The following SGCE variants were observed in gnomAD, a reference collection of about 807,000 sequenced individuals.
The protein encoded by SGCE is sarcoglycan epsilon.
SGCE carries 26 observed loss-of-function variants against 57.8 expected under a neutral mutation model. The observed-to-expected ratio is 0.45, with a 90% CI of 0.33 to 0.62. The LOEUF (loss-of-function observed/expected upper bound fraction) is 0.62. SGCE is among the 20% of genes least tolerant of loss of function. SGCE has a pLI of 0.02. For missense variants in SGCE, 468 were observed against 548.6 expected, an observed-to-expected ratio of 0.85 and a Z score of 1.47; for synonymous variants, 183 against 189.5, an observed-to-expected ratio of 0.97 and a Z score of 0.28.
intron 1 of SGCE, among the ~76,000 whole-genome samples, chr7:94,650,828 C>T (rs924119473): frequency 3.3e-5 from 5 of 152,220 alleles, no homozygotes; most frequent in African/African-American, 1.2e-4. Flanking sequence ...AAGCAAACAT[C>T]AGAGAGTTCA....
intron 4 of SGCE, chr7:94,621,986 C>T (rs890567823): frequency 6.6e-6 from 1 of 152,102 alleles, no homozygotes; most frequent in Non-Finnish European, 1.5e-5. Flanking sequence ...CAATTGATAC[C>T]GGTAAACACC....
At chr7:94,608,161 T>C (rs913594133) in intron 5 of SGCE, among the ~76,000 whole-genome samples, 8 of 152,114 alleles carry the variant, frequency 5.3e-5, no homozygotes, top group Admixed American at 5.2e-4. Context: ...CTGGCCAACA[T>C]GACAAAACCA....
intron 9 of SGCE, chr7:94,589,883 T>C (rs567828387): frequency 6.5e-6 from 1 of 153,424 alleles, no homozygotes; most frequent in East Asian, 1.9e-4. Flanking sequence ...GCATAATAAA[T>C]GCAATGCACT....
At chr7:94,637,717 A>T (rs13226896) in intron 1 of SGCE, among the ~76,000 whole-genome samples, 1 of 152,208 alleles carries the variant, frequency 6.6e-6, no homozygotes, top group Admixed American at 6.5e-5. Flanking sequence ...AAACAGCAAG[A>T]GGAGAGAGAG....
intron 5 of SGCE, chr7:94,617,366 A>C (rs551288726): frequency 1.3e-5 from 2 of 152,328 alleles, no homozygotes; most frequent in Admixed American, 6.5e-5. Context: ...AAGCACAACA[A>C]TGAAAAACTC....
intron 1 of SGCE, among the ~76,000 whole-genome samples, chr7:94,630,856 G>T (rs1450370924): frequency 1.3e-5 from 2 of 151,890 alleles, no homozygotes; most frequent in Non-Finnish European, 2.9e-5. Flanking sequence ...CTCACTCCAA[G>T]CTCACAACTT....
At chr7:94,620,108 A>G (rs992116732) in intron 4 of SGCE, 4 of 152,356 alleles carry the variant, frequency 2.6e-5, no homozygotes, top group African/African-American at 4.8e-5. Context: ...AAATTCATGT[A>G]TCTGTAAGAT....
intron 5 of SGCE, among the ~76,000 whole-genome samples, chr7:94,615,308 G>C (rs535315130): frequency 1.3e-5 from 2 of 151,994 alleles, no homozygotes; most frequent in Middle Eastern, 3.4e-3. Flanking sequence ...GCTGTGAGTC[G>C]AGATCCCACC....
At chr7:94,614,106 T>TAAAAAAAAAAAAAAAAAAAAAAAAAAA (rs1562832897) in intron 5 of SGCE, among the ~76,000 whole-genome samples, 1 of 55,172 alleles carries the variant, frequency 1.8e-5, no homozygotes, top group Non-Finnish European at 3.4e-5. Context: ...CAAATTGAAA[T>TAAAAAAAAAAAAAAAAAAAAAAAAAAA]CAAAAAAAAA....
intron 9 of SGCE, among the ~76,000 whole-genome samples, chr7:94,595,388 G>C (rs1372835142): frequency 1.3e-5 from 2 of 152,048 alleles, no homozygotes; most frequent in African/African-American, 4.8e-5. Flanking sequence ...CCATATCCAT[G>C]TCTGAATATT....
intron 9 of SGCE, 94 bp downstream of exon 9, chr7:94,598,677 TAAAC>T (rs1299081127): frequency 8.4e-5 from 75 of 894,398 alleles, no homozygotes; most frequent in Admixed American, 2.4e-4. Context: ...CTTCCAGTTA[TAAAC>T]AAACAAACAC....
At chr7:94,636,861 C>G (rs547290553) in intron 1 of SGCE, among the ~76,000 whole-genome samples, 1 of 152,070 alleles carries the variant, frequency 6.6e-6, no homozygotes, top group Non-Finnish European at 1.5e-5. Context: ...GTCAGGAGTT[C>G]AAGACCAGCC....
At position 94,588,484 on chromosome 7, in the gene SGCE, C is replaced by G. The variant is rs930626716; in HGVS notation, c.1297+205G>C. 7.2e-6 allele frequency: 10 copies of G among 1,392,242 alleles called. No individual in the cohort carries two copies. The African/African-American group carries it at 1.0e-4, about 14-fold the overall frequency. The allele number at this position is 1,392,242 out of a possible 1,614,324, so 86.2% of individuals were successfully genotyped here. ...TCCATGGATGCTTTTGCTCTAAGATCATTTACCCTGTGTTTATCATTCTGA... is the reference window on the plus strand; with the variant it reads ...TCCATGGATGCTTTTGCTCTAAGATGATTTACCCTGTGTTTATCATTCTGA... On this transcript the variant is annotated intron_variant, in intron 10 of 10. Transcript: ENST00000648936.
At chr7:94,644,680 T>C (rs1257136741) in intron 1 of SGCE, 1 of 1,273,464 alleles carries the variant, frequency 7.9e-7, no homozygotes, top group South Asian at 1.2e-5. Context: ...GTAAGGGGGA[T>C]GAAAGACTTT....
At position 94,600,744 on chromosome 7, in the gene SGCE, A is replaced by G. The variant is rs772177078; in HGVS notation, c.939T>C (p.Tyr313=). 1 of 1,613,800 alleles carries G rather than the reference A, an allele frequency of 6.2e-7. No homozygotes were observed. Among genetic ancestry groups the G allele is most frequent in the South Asian group, 1.1e-5 (1 of 91,054 alleles). ...CCAGTGTAATTAGGAAATCCGTGTA[A>G]TAGTCTCTGCTTTTCAAAGAATCAG... ...PPSDSLKSRD[Y]YTDFLITLAV... Residue 313 remains tyrosine (Y), a synonymous_variant, in exon 7 of 11, where the codon TAT becomes TAC. Coordinates refer to ENST00000648936, the MANE Select transcript of SGCE (RefSeq NM_003919.3).
At chr7:94,619,161 A>G (rs988366067) in intron 4 of SGCE, 11 of 557,538 alleles carry the variant, frequency 2.0e-5, no homozygotes, top group African/African-American at 1.7e-4. Context: ...TATCTACAAT[A>G]TAATAAAATC....
intron 1 of SGCE, among the ~76,000 whole-genome samples, chr7:94,643,276 T>C (rs1267530557): frequency 6.6e-6 from 1 of 152,230 alleles, no homozygotes; most frequent in African/African-American, 2.4e-5. Flanking sequence ...CACCACTACA[T>C]GTCCTTGGCT....
At chr7:94,598,020 GA>G (rs761723374) in intron 9 of SGCE, 2 of 167,968 alleles carry the variant, frequency 1.2e-5, no homozygotes, top group Middle Eastern at 6.3e-4. Context: ...AAAAAAAAAA[GA>G]AAAAAAGAGA....
rs551131768 is a variant in SGCE at position 94,654,885 on chromosome 7, TA to T, written c.109+1104del. Among the ~76,000 whole-genome samples the T allele has an allele frequency of 3.5e-3, 538 of 152,360 alleles. 4 individuals are homozygous for T. Among genetic ancestry groups the T allele is most frequent in the African/African-American group, 0.012 (512 of 41,588 alleles). On this transcript the variant is annotated intron_variant, in intron 1 of 10. Coordinates refer to ENST00000648936, the MANE Select transcript of SGCE (RefSeq NM_003919.3). ...GACAATTTGGTTTTCCCTTTTAACT[TA>T]AACTTGTTTTACTAAGATCATCAAC...
Sources: gnomAD v4.1 joint callset for allele counts (sites outside exome capture counted in the v4.1 genomes callset) on GRCh38, gnomAD v4.1.1 for gene constraint, MANE v1.5 for transcripts, NCBI Gene and HGNC (gene_info 2026-07-23, HGNC 2026-07-21) for gene names.